The following KALRN variants were observed in gnomAD, a reference collection of about 807,000 sequenced individuals.
KALRN encodes kalirin.
In KALRN, 70 loss-of-function variants were observed where a neutral mutation model predicts 353.7. That is an observed-to-expected ratio of 0.20 (90% CI 0.16 to 0.24). The LOEUF (loss-of-function observed/expected upper bound fraction) is 0.24. Among genes scored for constraint, KALRN ranks in the 10% least tolerant of loss-of-function variants. The pLI, the probability that KALRN is intolerant of heterozygous loss-of-function variation, is 1.00. For missense variants in KALRN, 2,791 were observed against 3,756.7 expected (o/e 0.74, Z 6.72); for synonymous variants, 1,391 against 1,434.8 (o/e 0.97, Z 0.69).
At chr3:124,449,545 G>A (rs1339726478) in intron 21 of KALRN, among the ~76,000 whole-genome samples, 1 of 152,154 alleles carries the variant, frequency 6.6e-6, no homozygotes, top group Non-Finnish European at 1.5e-5. Flanking sequence ...TCTTCTAAAA[G>A]TAAAACTTTT....
chr3:124,587,409 C>T (rs1303872061), intron 34 of KALRN, among the ~76,000 whole-genome samples: 1 of 152,168 alleles, frequency 6.6e-6, no homozygotes, highest in Non-Finnish European at 1.5e-5. Flanking sequence ...ATACCTCCTT[C>T]TAAAGTCTGA....
Position 124,721,407 on chromosome 3 carries a change from A to G in KALRN, c.*1937A>G. 1 of 152,212 alleles carries G rather than the reference A, an allele frequency of 6.6e-6. No individual in the cohort carries two copies. The highest frequency in any genetic ancestry group is 1.9e-4 in the East Asian group (1 of 5,198). The allele number at this position is 152,212 out of a possible 1,614,324, so 9.4% of individuals were successfully genotyped here. On this transcript the variant is annotated 3_prime_UTR_variant, in exon 60 of 60. Transcript: ENST00000682506. The stretch of plus-strand genomic sequence containing the variant: ...TCACTCCCTCAGAGGTCTCTCGACT[A>G]ACCCCTATAGTCTTCATTTGGACCT...
At chr3:124,476,350 C>G (rs1041741028) in intron 26 of KALRN, among the ~76,000 whole-genome samples, 3 of 151,368 alleles carry the variant, frequency 2.0e-5, no homozygotes, top group Admixed American at 6.6e-5. Context: ...CCACAGTTCT[C>G]TCATCTGCAA....
chr3:124,472,593 GTGTGTGTGTGTGTACC>G lies in KALRN; in HGVS notation c.4032-2058_4032-2043del, dbSNP rs1334948496. ...TGTGTATATGTGTGTGTGTGTGTGT[GTGTGTGTGTGTGTACC>G]TGTGTGTGTGTATATATATGATGAT... On this transcript the variant is annotated intron_variant, in intron 25 of 59. Coordinates refer to ENST00000682506, the MANE Select transcript of KALRN (RefSeq NM_001388419.1). Among the ~76,000 whole-genome samples the G allele has an allele frequency of 2.0e-5, 3 of 151,854 alleles. No individual in the cohort carries two copies. In the East Asian group the frequency reaches 5.8e-4, roughly 29 times the overall value.
chr3:124,490,626 G>C, intron 29 of KALRN, 68 bp from the exon 30 acceptor site: 1 of 1,444,710 alleles, frequency 6.9e-7, no homozygotes, highest in South Asian at 1.2e-5. Context: ...TCCAAGAGGG[G>C]GGTGGAACAT....
chr3:124,399,232 G>A (rs762603160), intron 13 of KALRN, among the ~76,000 whole-genome samples: 1 of 152,110 alleles, frequency 6.6e-6, no homozygotes, highest in South Asian at 2.1e-4. Flanking sequence ...TCCACCTCTC[G>A]GGTTCAAGCG....
chr3:124,197,174 T>A (rs1392859084), intron 1 of KALRN, among the ~76,000 whole-genome samples: 4 of 152,252 alleles, frequency 2.6e-5, no homozygotes, highest in Non-Finnish European at 4.4e-5. Flanking sequence ...TTGACTAGAT[T>A]TGCCTTATAT....
intron 5 of KALRN, among the ~76,000 whole-genome samples, chr3:124,290,829 A>G (rs139406654): frequency 1.6e-3 from 239 of 152,304 alleles, no homozygotes; most frequent in African/African-American, 5.5e-3. Flanking sequence ...TGGAATCGTC[A>G]TAACTGTCAT....
At chr3:124,068,607 C>G (rs145170059) in intron 1 of KALRN, among the ~76,000 whole-genome samples, 1 of 152,202 alleles carries the variant, frequency 6.6e-6, no homozygotes, top group Admixed American at 6.5e-5. Flanking sequence ...ACAAAACCCT[C>G]TTCCCCATCT....
chr3:124,080,455 C>CATAG (rs919666857), intron 1 of KALRN, among the ~76,000 whole-genome samples: 4 of 152,238 alleles, frequency 2.6e-5, no homozygotes, highest in Middle Eastern at 3.4e-3. Context: ...TGTGCATTTA[C>CATAG]ATAGATAGAT....
chr3:124,704,730 T>G (rs554793886), intron 57 of KALRN, among the ~76,000 whole-genome samples: 3 of 152,162 alleles, frequency 2.0e-5, no homozygotes, highest in African/African-American at 7.2e-5. Flanking sequence ...GCATTTTTTT[T>G]GTAGATACGG....
At chr3:124,637,798 A>G (rs565319296) in intron 37 of KALRN, among the ~76,000 whole-genome samples, 100 of 152,340 alleles carry the variant, frequency 6.6e-4, no homozygotes, top group African/African-American at 2.4e-3. Context: ...ACCTCACCAC[A>G]ATAAATTAAG....
chr3:124,594,139 C>G (rs1007106930), intron 34 of KALRN, among the ~76,000 whole-genome samples: 1 of 152,216 alleles, frequency 6.6e-6, no homozygotes, highest in Admixed American at 6.5e-5. Flanking sequence ...ATGTTTACCG[C>G]TTTTTACTTA....
At chr3:124,669,266 G>C (rs1020760417) in intron 47 of KALRN, among the ~76,000 whole-genome samples, 21 of 152,148 alleles carry the variant, frequency 1.4e-4, no homozygotes, top group African/African-American at 4.8e-4. Context: ...TAGTGTTAGG[G>C]CACTCATTTA....
At chr3:124,279,753 A>G (rs759763207) in intron 5 of KALRN, among the ~76,000 whole-genome samples, 2 of 152,230 alleles carry the variant, frequency 1.3e-5, no homozygotes, top group African/African-American at 2.4e-5. Flanking sequence ...TTGGAAGATG[A>G]GCTACATTCA....
At chr3:124,439,190 T>TCACACACACACA (rs1173931984) in intron 18 of KALRN, among the ~76,000 whole-genome samples, 153 bp downstream of exon 18, 1 of 58,064 alleles carries the variant, frequency 1.7e-5, no homozygotes, top group African/African-American at 7.2e-5. Flanking sequence ...CTTCTCCTTC[T>TCACACACACACA]CTCTCTCTCT....
chr3:124,366,795 C>A (rs1211894264), intron 10 of KALRN, among the ~76,000 whole-genome samples: 2 of 151,430 alleles, frequency 1.3e-5, no homozygotes, highest in East Asian at 3.9e-4. Flanking sequence ...GCAGAGGCGC[C>A]CCTCACCTCC....
At chr3:124,263,888 G>A (rs1015201867) in intron 3 of KALRN, among the ~76,000 whole-genome samples, 1 of 151,986 alleles carries the variant, frequency 6.6e-6, no homozygotes, top group African/African-American at 2.4e-5. Flanking sequence ...AATTTCAATG[G>A]GGAAAACATG....
chr3:124,459,005 G>A (rs1437552686), intron 23 of KALRN, among the ~76,000 whole-genome samples: 1 of 152,136 alleles, frequency 6.6e-6, no homozygotes, highest in Non-Finnish European at 1.5e-5. Context: ...CTTGAGGGAA[G>A]GGCAGGACGT....
Sources: gnomAD v4.1 joint callset for allele counts (sites outside exome capture counted in the v4.1 genomes callset) on GRCh38, gnomAD v4.1.1 for gene constraint, MANE v1.5 for transcripts, NCBI Gene and HGNC (gene_info 2026-07-23, HGNC 2026-07-21) for gene names.